The following FYB2 variants were observed in gnomAD, a reference collection of about 807,000 sequenced individuals.
FYB2 encodes the protein FYN binding protein 2.
A neutral mutation model predicts 94.1 loss-of-function variants in FYB2; 103 were observed. The ratio of observed to expected loss-of-function variants is 1.09; its 90% CI spans 0.93 to 1.29. The LOEUF is 1.29. Among genes scored for constraint, FYB2 ranks in the 50% most tolerant of loss-of-function variants. The pLI is 0.00. For synonymous variants in FYB2, 293 were observed against 287.9 expected (o/e 1.02, Z -0.18); for missense variants, 896 against 841.5 (o/e 1.06, Z -0.80).
chr1:56,811,587 C>G (rs931925863), intron 1 of FYB2, among the ~76,000 whole-genome samples: 1 of 152,200 alleles, frequency 6.6e-6, no homozygotes, highest in Non-Finnish European at 1.5e-5. Flanking sequence ...TGGAACAAGA[C>G]AGGGTTGTCA....
At chr1:56,779,177 T>C (rs543225048) in intron 4 of FYB2, among the ~76,000 whole-genome samples, 1 of 152,186 alleles carries the variant, frequency 6.6e-6, no homozygotes, top group South Asian at 2.1e-4. Flanking sequence ...TATATATAGG[T>C]ATAAAGAAGT....
At chr1:56,751,238 T>C in intron 8 of FYB2, 35 bp from the exon 9 acceptor site, 1 of 1,597,240 alleles carries the variant, frequency 6.3e-7, no homozygotes, top group Non-Finnish European at 8.6e-7. Context: ...ACTGTAGGGC[T>C]GTGACTTACC....
At chr1:56,751,250 A>T in intron 8 of FYB2, 47 bp from the exon 9 acceptor site, 4 of 1,566,134 alleles carry the variant, frequency 2.6e-6, no homozygotes, top group Non-Finnish European at 3.5e-6. Context: ...TGACTTACCT[A>T]ATCAGTTCTT....
At chr1:56,757,735 A>ATTTCTTTCTTTCT (rs1645385456) in intron 6 of FYB2, among the ~76,000 whole-genome samples, 1 of 100,142 alleles carries the variant, frequency 1.0e-5, no homozygotes, top group African/African-American at 3.5e-5. Context: ...TCTTTCTTTC[A>ATTTCTTTCTTTCT]TTCTTTCTTT....
At chr1:56,778,465 T>A (rs1220790392) in intron 4 of FYB2, among the ~76,000 whole-genome samples, 1 of 152,132 alleles carries the variant, frequency 6.6e-6, no homozygotes, top group African/African-American at 2.4e-5. Flanking sequence ...TTTGTTTTTA[T>A]CCTTTTCTGA....
intron 15 of FYB2, among the ~76,000 whole-genome samples, chr1:56,729,893 A>ATGTTT (rs1438041459): frequency 6.6e-6 from 1 of 152,134 alleles, no homozygotes. Context: ...TTGAAACTAA[A>ATGTTT]CAAATATATG....
At chr1:56,765,436 T>G (rs1407557913) in intron 5 of FYB2, among the ~76,000 whole-genome samples, 1 of 152,210 alleles carries the variant, frequency 6.6e-6, no homozygotes, top group Non-Finnish European at 1.5e-5. Flanking sequence ...CTTGACCTTC[T>G]CTGACATCAC....
chr1:56,762,339 CTGTGT>C (rs770725307), intron 5 of FYB2, among the ~76,000 whole-genome samples: 1 of 151,984 alleles, frequency 6.6e-6, no homozygotes, highest in Non-Finnish European at 1.5e-5. Flanking sequence ...GTTAATTTTA[CTGTGT>C]TGTGTCTTCC....
chr1:56,739,271 G>A (rs971666825), intron 13 of FYB2, among the ~76,000 whole-genome samples: 9 of 152,140 alleles, frequency 5.9e-5, no homozygotes, highest in South Asian at 4.1e-4. Context: ...TGGGACTGCC[G>A]GTTATCATGC....
At chr1:56,751,778 G>A (rs1332708159) in intron 8 of FYB2, among the ~76,000 whole-genome samples, 1 of 151,998 alleles carries the variant, frequency 6.6e-6, no homozygotes, top group Non-Finnish European at 1.5e-5. Context: ...CTAAGCTCTA[G>A]AAGTAGAGAC....
intron 11 of FYB2, among the ~76,000 whole-genome samples, chr1:56,743,760 C>T (rs968571692): frequency 6.6e-6 from 1 of 151,966 alleles, no homozygotes; most frequent in Non-Finnish European, 1.5e-5. Context: ...ATCAGACTTA[C>T]ACTGTGAAAA....
intron 15 of FYB2, among the ~76,000 whole-genome samples, chr1:56,734,230 T>C (rs1029301204): frequency 1.1e-4 from 16 of 152,108 alleles, no homozygotes; most frequent in African/African-American, 3.4e-4. Flanking sequence ...ACGCTAGGAT[T>C]GCAACCCCTG....
At chr1:56,766,319 G>T (rs902857042) in intron 5 of FYB2, among the ~76,000 whole-genome samples, 4 of 152,142 alleles carry the variant, frequency 2.6e-5, no homozygotes, top group African/African-American at 9.7e-5. Context: ...TGCTGGGCAG[G>T]GTCAAGAGTT....
chr1:56,777,535 G>A (rs547585686), intron 4 of FYB2, among the ~76,000 whole-genome samples: 6 of 152,238 alleles, frequency 3.9e-5, no homozygotes, highest in African/African-American at 1.4e-4. Context: ...GATACACCCA[G>A]GGAAACAGAA....
intron 3 of FYB2, among the ~76,000 whole-genome samples, chr1:56,788,351 T>C (rs1459958373): frequency 6.6e-6 from 1 of 152,202 alleles, no homozygotes; most frequent in Non-Finnish European, 1.5e-5. Context: ...TGTGTTTCAT[T>C]AGAGCAAACA....
rs1646155573 is a variant in FYB2, at chr1:56,787,338, C to A, written c.920-130G>T. The A allele has an allele frequency of 4.6e-6, 5 of 1,081,026 alleles. No homozygotes were observed. The Admixed American group carries it at 5.7e-5, about 12-fold the overall frequency. The allele number at this position is 1,081,026 out of a possible 1,614,324, so 67.0% of individuals were successfully genotyped here. A position where few individuals can be genotyped will look rare whatever the true frequency, so the allele number is the denominator to read the frequency against. On this transcript the variant is annotated intron_variant, in intron 3 of 19. Coordinates refer to ENST00000343433, the MANE Select transcript of FYB2 (RefSeq NM_001004303.5). ...GAAGCTTGCCTGTGCCTGAAACATC[C>A]CTTACCTCCACCCCAGCACCCAGGG...
intron 1 of FYB2, among the ~76,000 whole-genome samples, chr1:56,801,786 T>A (rs2101029971): frequency 6.6e-6 from 1 of 152,324 alleles, no homozygotes; most frequent in African/African-American, 2.4e-5. Flanking sequence ...TAGACCATCA[T>A]GAGAATCAGT....
At chr1:56,814,396 T>C (rs1646834763) in intron 1 of FYB2, among the ~76,000 whole-genome samples, 1 of 152,156 alleles carries the variant, frequency 6.6e-6, no homozygotes, top group African/African-American at 2.4e-5. Context: ...GGTGTGTGGT[T>C]TGGAGAAGGG....
intron 16 of FYB2, among the ~76,000 whole-genome samples, chr1:56,723,937 T>C (rs1465329897): frequency 6.6e-6 from 1 of 152,054 alleles, no homozygotes; most frequent in African/African-American, 2.4e-5. Context: ...GTAATGTCAA[T>C]TGCTTTTCGC....
Sources: allele counts gnomAD v4.1 joint callset (sites outside exome capture counted in the v4.1 genomes callset), GRCh38; gene constraint gnomAD v4.1.1; transcripts MANE v1.5; gene names NCBI Gene and HGNC (gene_info 2026-07-23, HGNC 2026-07-21).